The following ZBTB20 variants were observed in gnomAD, a reference collection of about 807,000 sequenced individuals.
The protein encoded by ZBTB20 is zinc finger and BTB domain containing 20, also known as zinc finger and BTB domain-containing protein 20.
Under a neutral mutation model 56.9 loss-of-function variants are expected in ZBTB20, and 9 were observed. That is an observed-to-expected ratio of 0.16 (90% confidence interval 0.10 to 0.28). The LOEUF (loss-of-function observed/expected upper bound fraction) is 0.28, where lower values mean the gene tolerates loss of function less well. ZBTB20 is among the 10% of genes least tolerant of loss of function. ZBTB20 has a pLI of 1.00. For missense variants in ZBTB20, 655 were observed against 1,003.0 expected (o/e 0.65, Z 4.69); for synonymous variants, 417 against 420.7 (o/e 0.99, Z 0.11).
intron 5 of ZBTB20, among the ~76,000 whole-genome samples, chr3:114,787,368 T>TATATATATATAC (rs1433434685): frequency 9.4e-6 from 1 of 106,332 alleles, no homozygotes; most frequent in African/African-American, 4.5e-5. Flanking sequence ...TATATATATA[T>TATATATATATAC]ACACACACAC....
intron 7 of ZBTB20, among the ~76,000 whole-genome samples, chr3:114,460,848 T>A (rs1037057826): frequency 2.6e-5 from 4 of 152,202 alleles, no homozygotes; most frequent in African/African-American, 9.6e-5. Context: ...TATATTACCT[T>A]ACTGGTTCAA....
chr3:114,656,896 C>T (rs1228464080), intron 6 of ZBTB20, among the ~76,000 whole-genome samples: 2 of 152,096 alleles, frequency 1.3e-5, no homozygotes, highest in East Asian at 1.9e-4. Context: ...TATAAGCATA[C>T]GCCACCACAT....
intron 6 of ZBTB20, among the ~76,000 whole-genome samples, chr3:114,534,538 T>C (rs1333627713): frequency 6.6e-6 from 1 of 152,086 alleles, no homozygotes; most frequent in African/African-American, 2.4e-5. Context: ...ACAATAATAG[T>C]GGGAGACTCT....
intron 4 of ZBTB20, among the ~76,000 whole-genome samples, chr3:114,870,685 A>T (rs2075970583): frequency 6.6e-6 from 1 of 151,990 alleles, no homozygotes; most frequent in Non-Finnish European, 1.5e-5. Flanking sequence ...TATATTAAAA[A>T]GTCAAATTTC....
chr3:114,790,128 G>C (rs891625192), intron 5 of ZBTB20, among the ~76,000 whole-genome samples: 1 of 152,094 alleles, frequency 6.6e-6, no homozygotes, highest in Non-Finnish European at 1.5e-5. Context: ...TTGTGCTGCA[G>C]AAGTTGCAAT....
chr3:114,506,467 C>A (rs1346637116), intron 6 of ZBTB20, among the ~76,000 whole-genome samples: 1 of 151,980 alleles, frequency 6.6e-6, no homozygotes, highest in African/African-American at 2.4e-5. Flanking sequence ...AGCAGTAGTG[C>A]TGGGAGGGGT....
At chr3:114,384,917 C>G (rs1413849643) in intron 8 of ZBTB20, among the ~76,000 whole-genome samples, 1 of 152,196 alleles carries the variant, frequency 6.6e-6, no homozygotes, top group East Asian at 1.9e-4. Flanking sequence ...GCACATATTG[C>G]ACACATACAG....
intron 5 of ZBTB20, among the ~76,000 whole-genome samples, chr3:114,778,162 G>A (rs1300800350): frequency 4.7e-5 from 7 of 149,094 alleles, no homozygotes; most frequent in Non-Finnish European, 8.9e-5. Flanking sequence ...GAGTTAATGG[G>A]TGCAGCACAC....
intron 5 of ZBTB20, among the ~76,000 whole-genome samples, chr3:114,744,619 T>C (rs2066888468): frequency 1.3e-5 from 2 of 152,108 alleles, no homozygotes; most frequent in Non-Finnish European, 2.9e-5. Flanking sequence ...TCTGGAATGA[T>C]CAGGTGGTAA....
chr3:114,402,931 T>G (rs1221766010), intron 7 of ZBTB20, among the ~76,000 whole-genome samples: 2 of 152,172 alleles, frequency 1.3e-5, no homozygotes, highest in Admixed American at 6.5e-5. Context: ...TGTCAGACAG[T>G]TCCTTCACAG....
At chr3:114,976,324 AC>A (rs2078096618) in intron 2 of ZBTB20, among the ~76,000 whole-genome samples, 1 of 152,132 alleles carries the variant, frequency 6.6e-6, no homozygotes, top group Non-Finnish European at 1.5e-5. Flanking sequence ...GACAGTCAAA[AC>A]AAAAAAATCT....
At chr3:115,063,996 A>G (rs1392084823) in intron 2 of ZBTB20, among the ~76,000 whole-genome samples, 1 of 152,050 alleles carries the variant, frequency 6.6e-6, no homozygotes, top group Non-Finnish European at 1.5e-5. Flanking sequence ...CCTATTGTTA[A>G]TATTGTCACT....
intron 11 of ZBTB20, among the ~76,000 whole-genome samples, chr3:114,341,491 GGCT>G (rs1192651726): frequency 3.9e-5 from 6 of 152,148 alleles, no homozygotes; most frequent in African/African-American, 1.4e-4. Flanking sequence ...ATGGTATTTT[GGCT>G]GCTAAGAAGT....
intron 5 of ZBTB20, among the ~76,000 whole-genome samples, chr3:114,737,242 T>C (rs948694406): frequency 6.6e-6 from 1 of 152,188 alleles, no homozygotes; most frequent in African/African-American, 2.4e-5. Context: ...ATATTTAATG[T>C]AGAGAAACAT....
intron 2 of ZBTB20, among the ~76,000 whole-genome samples, chr3:115,011,916 G>C (rs927074528): frequency 6.6e-6 from 1 of 151,820 alleles, no homozygotes; most frequent in East Asian, 1.9e-4. Flanking sequence ...AGTGGACAAG[G>C]TTAATGTGTA....
At chr3:114,897,204 A>C (rs2074919336) in intron 4 of ZBTB20, among the ~76,000 whole-genome samples, 1 of 152,150 alleles carries the variant, frequency 6.6e-6, no homozygotes, top group South Asian at 2.1e-4. Context: ...GATTGAGACC[A>C]TACTAATAAT....
At chr3:114,743,841 A>G (rs1464166215) in intron 5 of ZBTB20, 1 of 152,214 alleles carries the variant, frequency 6.6e-6, no homozygotes, top group Non-Finnish European at 1.5e-5. Context: ...CTGAAATCAG[A>G]AATTTCAAAA....
chr3:115,026,660 T>C (rs2080438774), intron 2 of ZBTB20, among the ~76,000 whole-genome samples: 1 of 150,866 alleles, frequency 6.6e-6, no homozygotes, highest in African/African-American at 2.4e-5. Flanking sequence ...CTTCAATGTC[T>C]TCTCTGCTGG....
At chr3:115,035,862 T>C (rs1052800755) in intron 2 of ZBTB20, among the ~76,000 whole-genome samples, 1 of 152,208 alleles carries the variant, frequency 6.6e-6, no homozygotes, top group Non-Finnish European at 1.5e-5. Context: ...AATTGTGATA[T>C]ATATACACAA....
Sources: allele counts gnomAD v4.1 joint callset (sites outside exome capture counted in the v4.1 genomes callset), GRCh38; gene constraint gnomAD v4.1.1; transcripts MANE v1.5; gene names NCBI Gene and HGNC (gene_info 2026-07-23, HGNC 2026-07-21).